VPS13B: variants seen among roughly 807,000 people sequenced by gnomAD.
VPS13B encodes the protein vacuolar protein sorting 13 homolog B.
A neutral mutation model predicts 426.4 loss-of-function variants in VPS13B; 285 were observed. That is an observed-to-expected ratio of 0.67 (90% CI 0.61 to 0.74). VPS13B has a LOEUF of 0.74. Among genes scored for constraint, VPS13B ranks in the 30% least tolerant of loss-of-function variants. VPS13B has a pLI of 0.00. For missense variants in VPS13B, 4,537 were observed against 4,782.6 expected (o/e 0.95, Z 1.51); for synonymous variants, 1,676 against 1,676.4 (o/e 1.00, Z 0.01).
chr8:99,721,387 C>A (rs555329391), intron 39 of VPS13B, among the ~76,000 whole-genome samples: 2 of 152,280 alleles, frequency 1.3e-5, no homozygotes, highest in East Asian at 3.9e-4. Flanking sequence ...TTCAGAGTTT[C>A]TAGAACCGCC....
chr8:99,536,506 C>T, intron 30 of VPS13B: 1 of 338,624 alleles, frequency 3.0e-6, no homozygotes, highest in Non-Finnish European at 5.9e-6. Flanking sequence ...TCACTTAATA[C>T]CATAGTTATT....
At chr8:99,193,697 A>ACC (rs1325883498) in intron 17 of VPS13B, among the ~76,000 whole-genome samples, 1 of 152,154 alleles carries the variant, frequency 6.6e-6, no homozygotes, top group Non-Finnish European at 1.5e-5. Flanking sequence ...TGCTTAAAGT[A>ACC]ACATTATTTT....
intron 29 of VPS13B, among the ~76,000 whole-genome samples, chr8:99,511,807 ATGT>A (rs2133639011): frequency 6.6e-6 from 1 of 152,176 alleles, no homozygotes; most frequent in East Asian, 1.9e-4. Context: ...CTAAACTCAA[ATGT>A]TGTGTTCTGT....
At chr8:99,759,367 T>A (rs1311259875) in intron 39 of VPS13B, among the ~76,000 whole-genome samples, 2 of 152,226 alleles carry the variant, frequency 1.3e-5, no homozygotes, top group African/African-American at 4.8e-5. Context: ...AACTATTCAT[T>A]AAACTGTAGT....
At chr8:99,193,745 T>C (rs1017441662) in intron 17 of VPS13B, among the ~76,000 whole-genome samples, 13 of 152,196 alleles carry the variant, frequency 8.5e-5, no homozygotes, top group Admixed American at 2.0e-4. Context: ...TTTGTTCTTA[T>C]ATGATGCTTT....
intron 17 of VPS13B, among the ~76,000 whole-genome samples, chr8:99,260,583 C>T (rs949588548): frequency 1.3e-5 from 2 of 151,962 alleles, no homozygotes; most frequent in African/African-American, 4.8e-5. Context: ...ATATTTGAGG[C>T]ATTGTATTAA....
At chr8:99,632,059 T>A (rs556005669) in intron 33 of VPS13B, among the ~76,000 whole-genome samples, 1 of 152,050 alleles carries the variant, frequency 6.6e-6, no homozygotes, top group South Asian at 2.1e-4. Context: ...CTTTATTTCT[T>A]AACTAGAGAA....
At chr8:99,057,489 A>G (rs916884695) in intron 3 of VPS13B, among the ~76,000 whole-genome samples, 2 of 152,070 alleles carry the variant, frequency 1.3e-5, no homozygotes, top group African/African-American at 4.8e-5. Context: ...TCTGCTACCT[A>G]TCCCACATTT....
At chr8:99,846,669 A>G (rs879553159) in intron 54 of VPS13B, among the ~76,000 whole-genome samples, 4 of 152,212 alleles carry the variant, frequency 2.6e-5, no homozygotes, top group Non-Finnish European at 5.9e-5. Flanking sequence ...ATTTCCCTCC[A>G]GAGTCTAGGT....
chr8:99,569,456 A>G (rs561156484), intron 31 of VPS13B, among the ~76,000 whole-genome samples: 8 of 151,872 alleles, frequency 5.3e-5, no homozygotes, highest in Non-Finnish European at 1.2e-4. Context: ...GGAAAAAAAA[A>G]AAAAGAAAAA....
At chr8:99,776,696 C>T in intron 40 of VPS13B, 79 bp from the exon 41 acceptor site, 3 of 1,335,160 alleles carry the variant, frequency 2.2e-6, no homozygotes, top group Non-Finnish European at 3.2e-6. Flanking sequence ...TTTTAGAAAC[C>T]CTTATAAAAA....
intron 37 of VPS13B, among the ~76,000 whole-genome samples, chr8:99,718,109 T>G (rs1410257977): frequency 6.6e-6 from 1 of 152,104 alleles, no homozygotes; most frequent in Non-Finnish European, 1.5e-5. Context: ...AGACAGGGTC[T>G]TCCTCTGTCA....
chr8:99,066,393 C>A (rs1043752224), intron 3 of VPS13B, among the ~76,000 whole-genome samples: 5 of 152,114 alleles, frequency 3.3e-5, no homozygotes, highest in Non-Finnish European at 5.9e-5. Flanking sequence ...GAAAAACAAG[C>A]AATGGGGAAA....
chr8:99,493,245 T>C (rs568344877), intron 25 of VPS13B, among the ~76,000 whole-genome samples: 1 of 152,322 alleles, frequency 6.6e-6, no homozygotes, highest in African/African-American at 2.4e-5. Context: ...TATATTTTTT[T>C]CTTATAATAG....
At chr8:99,490,737 C>T (rs538430746) in intron 25 of VPS13B, among the ~76,000 whole-genome samples, 7 of 152,212 alleles carry the variant, frequency 4.6e-5, no homozygotes, top group South Asian at 2.1e-4. Flanking sequence ...TCTCTGGGAT[C>T]GGTGGTGATA....
chr8:99,135,626 T>C lies in VPS13B; in HGVS notation c.1456T>C (p.Leu486=), dbSNP rs879308072. The change falls in exon 11 of 62, where the codon TTG becomes CTG. Residue 486 remains leucine, a synonymous_variant. Coordinates refer to ENST00000357162, the MANE Select transcript of VPS13B (RefSeq NM_152564.5). ...EACFFICGDN[L]STKGFTYLTN... ...CTGTTTCTTCATTTGTGGTGACAAT[T>C]TGAGTACGAAAGGTTTCACATACCT... 1 of 1,613,388 alleles carries C rather than the reference T, an allele frequency of 6.2e-7. No individual in the cohort carries two copies.
chr8:99,543,689 G>T (rs1451562750), intron 30 of VPS13B, among the ~76,000 whole-genome samples: 2 of 149,558 alleles, frequency 1.3e-5, no homozygotes, highest in East Asian at 3.9e-4. Context: ...AGACATTTAT[G>T]CAGCCAAAAA....
At chr8:99,232,592 C>T (rs1255727091) in intron 17 of VPS13B, among the ~76,000 whole-genome samples, 5 of 152,110 alleles carry the variant, frequency 3.3e-5, no homozygotes, top group East Asian at 1.9e-4. Flanking sequence ...AACATATTAC[C>T]GCTGCAGGCA....
At chr8:99,077,736 G>A (rs1008120756) in intron 3 of VPS13B, among the ~76,000 whole-genome samples, 1 of 151,984 alleles carries the variant, frequency 6.6e-6, no homozygotes. Flanking sequence ...TCCGTTTGGG[G>A]TTCTTGAGCT....
Sources: allele counts gnomAD v4.1 joint callset (sites outside exome capture counted in the v4.1 genomes callset), GRCh38; gene constraint gnomAD v4.1.1; transcripts MANE v1.5; gene names NCBI Gene and HGNC (gene_info 2026-07-23, HGNC 2026-07-21).